The following TIE1 variants were observed in gnomAD, a reference collection of about 807,000 sequenced individuals.
TIE1 encodes tyrosine-protein kinase receptor Tie-1.
TIE1 carries 89 observed loss-of-function variants against 130.5 expected under a neutral mutation model. The observed-to-expected ratio is 0.68, with a 90% confidence interval of 0.57 to 0.81. TIE1 has a LOEUF of 0.81. Among genes scored for constraint, TIE1 ranks in the 40% least tolerant of loss-of-function variants. The probability of loss-of-function intolerance (pLI) is 0.00; values close to 1 mark genes in which losing one functional copy is unlikely to be tolerated. For synonymous variants in TIE1, 568 were observed against 629.4 expected, an observed-to-expected ratio of 0.90 and a Z score of 1.46; for missense variants, 1,392 against 1,559.8, an observed-to-expected ratio of 0.89 and a Z score of 1.81.
chr1:43,317,298 G>A lies in TIE1; in HGVS notation c.2509G>A (p.Glu837Lys). Residue 837 changes from glutamate (E) to lysine (K), a missense_variant, in exon 15 of 23, where the codon GAG (glutamate) becomes AAG (lysine). Physicochemically the swap from Glu to Lys is moderately conservative, Grantham distance 56. This residue lies in a region of TIE1 where 286 missense variants were observed against 354.4 expected (regional missense o/e 0.81). Coordinates refer to ENST00000372476, the MANE Select transcript of TIE1 (RefSeq NM_005424.5). This position sits in a 1 kb window ranked among gnomAD's most constrained non-coding sequence, Gnocchi z 5.1. ...CCTGAGCTACCCAGTGCTAGAGTGG[G>A]AGGACATCACCTTTGAGGACCTCAT... is the stretch of plus-strand genomic sequence containing the variant. Reference protein sequence around the residue: ...EPLSYPVLEWEDITFEDLIGE... With the variant: ...EPLSYPVLEWKDITFEDLIGE... 5 of 1,614,206 alleles carry A rather than the reference G, an allele frequency of 3.1e-6. No homozygotes were observed. Among genetic ancestry groups the A allele is most frequent in the Non-Finnish European group, 4.2e-6 (5 of 1,180,040 alleles).
At chr1:43,304,705 C>A in intron 1 of TIE1, 146 bp from the exon 2 acceptor site, 1 of 827,950 alleles carries the variant, frequency 1.2e-6, no homozygotes, top group Non-Finnish European at 1.7e-6. Flanking sequence ...TCTGAAGAAC[C>A]GGGCAGGGGA....
Position 43,309,837 on chromosome 1 carries a change from A to G in TIE1, c.1333+305A>G, listed in dbSNP as rs976305997. On this transcript the variant is annotated intron_variant, in intron 9 of 22. Transcript: ENST00000372476. The surrounding 1 kb of genome is among the most constrained non-coding windows in gnomAD (Gnocchi z 6.3). Reference sequence around the variant, plus strand: ...CCAACCGTCACACACAGACAAGTATACCTTTAACTCTGCTCTGGGATGCTG... The same window carrying G: ...CCAACCGTCACACACAGACAAGTATGCCTTTAACTCTGCTCTGGGATGCTG... Among the ~76,000 whole-genome samples, 2 of 152,024 alleles carry G rather than the reference A, an allele frequency of 1.3e-5. No individual in the cohort carries two copies. The highest frequency in any genetic ancestry group is 4.8e-5 in the African/African-American group (2 of 41,406).
In TIE1 at chr1:43,319,430, C is replaced by G. The variant is rs1030100852; in HGVS notation, c.3037-29C>G. ...GCCTCAAACAGGCCCTTCCTCCACA[C>G]TCAGCCCCTCAAACCCATTCTCTCC... On this transcript the variant is annotated intron_variant, in intron 18 of 22. Transcript: ENST00000372476. This position sits in a 1 kb window ranked among gnomAD's most constrained non-coding sequence, Gnocchi z 4.7. 1.2e-6 allele frequency: 2 copies of G among 1,613,742 alleles called. No individual in the cohort carries two copies. The highest frequency in any genetic ancestry group is 3.3e-5 in the Admixed American group (2 of 60,014).
rs1570451688 is a variant in TIE1, at chr1:43,318,896, T to G, written c.2923-339T>G. Among the ~76,000 whole-genome samples the G allele has an allele frequency of 6.7e-6, 1 of 149,596 alleles. No individual in the cohort carries two copies. Among genetic ancestry groups the G allele is most frequent in the African/African-American group, 2.5e-5 (1 of 40,476 alleles). On this transcript the variant is annotated intron_variant, in intron 17 of 22. Coordinates refer to ENST00000372476, the MANE Select transcript of TIE1 (RefSeq NM_005424.5). This position sits in a 1 kb window ranked among gnomAD's most constrained non-coding sequence, Gnocchi z 4.4. ...AGAGGGAGGGGCTGGTGGAGAGAGG[T>G]CTCTGGGGAAGCTGGAGGGCTAAGG...
rs1379410427 is a variant in TIE1 at position 43,313,530 on chromosome 1, C to A, written c.2218+105C>A. 1 of 1,402,566 alleles carries A rather than the reference C, an allele frequency of 7.1e-7. No individual in the cohort carries two copies. Among genetic ancestry groups the A allele is most frequent in the Non-Finnish European group, 9.7e-7 (1 of 1,029,158 alleles). The allele number at this position is 1,402,566 out of a possible 1,614,324, so 86.9% of individuals were successfully genotyped here. ...ACTGTGGAGCTAGGGCATCCCAGGC[C>A]CCTCCTGACAAAGAGTCAGCCCCAG... On this transcript the variant is annotated intron_variant, in intron 13 of 22. Coordinates refer to ENST00000372476, the MANE Select transcript of TIE1 (RefSeq NM_005424.5). This position sits in a 1 kb window ranked among gnomAD's most constrained non-coding sequence, Gnocchi z 6.2.
chr1:43,314,225 T>C (rs1420848425), intron 14 of TIE1: 1 of 690,400 alleles, frequency 1.4e-6, no homozygotes, highest in East Asian at 3.6e-5. Flanking sequence ...AATTCCGTGA[T>C]GACCATATTT....
In TIE1 at chr1:43,313,547, C is replaced by A; in HGVS notation, c.2218+122C>A. On this transcript the variant is annotated intron_variant, in intron 13 of 22. Coordinates refer to ENST00000372476, the MANE Select transcript of TIE1 (RefSeq NM_005424.5). This position sits in a 1 kb window ranked among gnomAD's most constrained non-coding sequence, Gnocchi z 6.2. ...TCCCAGGCCCCTCCTGACAAAGAGT[C>A]AGCCCCAGTCCTGGGGACTCAGCCT... 1 of 1,301,408 alleles carries A rather than the reference C, an allele frequency of 7.7e-7. No homozygotes were observed. The highest frequency in any genetic ancestry group is 1.1e-6 in the Non-Finnish European group (1 of 948,602). The allele number at this position is 1,301,408 out of a possible 1,614,324, so 80.6% of individuals were successfully genotyped here.
intron 10 of TIE1, 35 bp from the exon 11 acceptor site, chr1:43,311,959 G>A (rs747858815): frequency 6.4e-7 from 1 of 1,563,848 alleles, no homozygotes; most frequent in Non-Finnish European, 8.7e-7. Context: ...AAGAGGTGGG[G>A]GCTGAATAAT....
intron 1 of TIE1, among the ~76,000 whole-genome samples, chr1:43,302,861 G>C (rs1243916086): frequency 6.6e-6 from 1 of 151,986 alleles, no homozygotes; most frequent in South Asian, 2.1e-4. Flanking sequence ...AGGCTGGGGG[G>C]GTGGGGATGA....
chr1:43,305,326 T>C lies in TIE1; in HGVS notation c.467T>C (p.Val156Ala). 6.4e-7 allele frequency: 1 copy of C among 1,564,290 alleles called. No individual in the cohort carries two copies. The highest frequency in any genetic ancestry group is 8.7e-7 in the Non-Finnish European group (1 of 1,154,974). ...ARVHKEKQTDVIWKSNGSYFY... is the reference protein window; with the variant it reads ...ARVHKEKQTDAIWKSNGSYFY... ...GTGCACAAGGAGAAGCAGACAGACG[T>C]GATCTGGAAGAGCAACGGTAAAGAG... Residue 156 changes from valine to alanine, a missense_variant, in exon 3 of 23, where the codon GTG (valine) becomes GCG (alanine). Physicochemically the swap from Val to Ala is moderately conservative, Grantham distance 64. Coordinates refer to ENST00000372476, the MANE Select transcript of TIE1 (RefSeq NM_005424.5).
In TIE1 at chr1:43,317,609, A is replaced by C. The variant is rs746402777; in HGVS notation, c.2666A>C (p.Glu889Ala). 1 of 1,608,940 alleles carries C rather than the reference A, an allele frequency of 6.2e-7. No homozygotes were observed. The highest frequency in any genetic ancestry group is 8.5e-7 in the Non-Finnish European group (1 of 1,176,604). Residue 889 changes from glutamate to alanine, a missense_variant, in exon 16 of 23, where the codon GAA (glutamate) becomes GCA (alanine). Physicochemically the swap from Glu to Ala is moderately radical, Grantham distance 107. Coordinates refer to ENST00000372476, the MANE Select transcript of TIE1 (RefSeq NM_005424.5). This position sits in a 1 kb window ranked among gnomAD's most constrained non-coding sequence, Gnocchi z 5.1. ...CATCGTGACTTTGCGGGAGAACTGG[A>C]AGTTCTGTGCAAATTGGGGCATCAC... ...NDHRDFAGELEVLCKLGHHPN... is the reference protein window; with the variant it reads ...NDHRDFAGELAVLCKLGHHPN...
rs1646718510 is a variant in TIE1 at position 43,305,354 on chromosome 1, G to C, written c.484+11G>C. The C allele has an allele frequency of 6.5e-7, 1 of 1,538,266 alleles. No homozygotes were observed. ...TCTGGAAGAGCAACGGTAAAGAGGG[G>C]CATTTGAACTGGTGGGGAGGGTAGA... On this transcript the variant is annotated intron_variant, in intron 3 of 22. Transcript: ENST00000372476.
At chr1:43,304,086 T>C (rs949493359) in intron 1 of TIE1, among the ~76,000 whole-genome samples, 1 of 152,222 alleles carries the variant, frequency 6.6e-6, no homozygotes, top group Admixed American at 6.5e-5. Flanking sequence ...GCCCCAAGCT[T>C]AGCTCCATTT....
Position 43,307,165 on chromosome 1 carries a change from C to T in TIE1, c.664C>T (p.Pro222Ser). The T allele has an allele frequency of 2.5e-6, 4 of 1,614,050 alleles. No individual in the cohort carries two copies. The highest frequency in any genetic ancestry group is 3.4e-6 in the Non-Finnish European group (4 of 1,179,978). The change falls in exon 5 of 23, where the codon CCA becomes TCA. Residue 222 changes from proline (P) to serine (S), a missense_variant. Transcript: ENST00000372476. The surrounding 1 kb of genome is among the most constrained non-coding windows in gnomAD (Gnocchi z 5.4). ...AGGTTGTGGGGCTGGGCGCTGGGGG[C>T]CAGGCTGTACCAAGGAGTGCCCAGG... is the stretch of plus-strand genomic sequence containing the variant. ...VRGCGAGRWG[P>S]GCTKECPGCL... is the part of the protein sequence containing the mutation.
At position 43,317,658 on chromosome 1, in the gene TIE1, G is replaced by A. The variant is rs762868342; in HGVS notation, c.2715G>A (p.Gly905=). 9 of 1,590,278 alleles carry A rather than the reference G, an allele frequency of 5.7e-6. No individual in the cohort carries two copies. The highest frequency in any genetic ancestry group is 7.7e-6 in the Non-Finnish European group (9 of 1,167,026). ...GHHPNIINLL[G]ACKNRGYLYI... is the part of the protein sequence containing the mutation. ...ACCCCAACATCATCAACCTCCTGGGGGCCTGTAAGAACCGAGGTGAGCCCC... is the reference window on the plus strand; with the variant it reads ...ACCCCAACATCATCAACCTCCTGGGAGCCTGTAAGAACCGAGGTGAGCCCC... The change falls in exon 16 of 23, where the codon GGG becomes GGA. Residue 905 remains glycine, a synonymous_variant. Transcript: ENST00000372476. The surrounding 1 kb of genome is among the most constrained non-coding windows in gnomAD (Gnocchi z 5.1).
At position 43,318,322 on chromosome 1, in the gene TIE1, C is replaced by T. The variant is rs1646881444; in HGVS notation, c.2922+250C>T. Among the ~76,000 whole-genome samples the T allele has an allele frequency of 6.6e-6, 1 of 152,194 alleles. No individual in the cohort carries two copies. The highest frequency in any genetic ancestry group is 1.9e-4 in the East Asian group (1 of 5,170). ...TAGCCTGGAACTCAGGAGAGAGGCC[C>T]AGGCTGGAGACAGCATCTGTGTGTG... On this transcript the variant is annotated intron_variant, in intron 17 of 22. Coordinates refer to ENST00000372476, the MANE Select transcript of TIE1 (RefSeq NM_005424.5). The surrounding 1 kb of genome is among the most constrained non-coding windows in gnomAD (Gnocchi z 4.4).
Position 43,313,399 on chromosome 1 carries a change from CAGTAGAAG to C in TIE1, c.2196_2203del (p.Glu733HisfsTer9). On this transcript the variant is annotated frameshift_variant, in exon 13 of 23. Transcript: ENST00000372476. LOFTEE classifies it high-confidence loss of function. The surrounding 1 kb of genome is among the most constrained non-coding windows in gnomAD (Gnocchi z 6.2). ...CAGGGGCTCGGGGACTGGAGCAACACAGTAGAAGAGTCCACCCTGGGCAACGGTGAGAG... is the reference window on the plus strand; with the variant it reads ...CAGGGGCTCGGGGACTGGAGCAACACAGTCCACCCTGGGCAACGGTGAGAG... The C allele has an allele frequency of 6.2e-7, 1 of 1,614,006 alleles. No individual in the cohort carries two copies. The highest frequency in any genetic ancestry group is 8.5e-7 in the Non-Finnish European group (1 of 1,179,958).
intron 9 of TIE1, among the ~76,000 whole-genome samples, chr1:43,311,305 A>G (rs1210543911): frequency 1.3e-5 from 2 of 151,102 alleles, no homozygotes; most frequent in Non-Finnish European, 2.9e-5. Flanking sequence ...TTTTTTTTTA[A>G]TAAGAGAGTG....
Position 43,317,481 on chromosome 1 carries a change from T to A in TIE1, c.2620+72T>A. 1 of 1,607,924 alleles carries A rather than the reference T, an allele frequency of 6.2e-7. No individual in the cohort carries two copies. The highest frequency in any genetic ancestry group is 8.5e-7 in the Non-Finnish European group (1 of 1,174,328). On this transcript the variant is annotated intron_variant, in intron 15 of 22. Transcript: ENST00000372476. The surrounding 1 kb of genome is among the most constrained non-coding windows in gnomAD (Gnocchi z 5.1). ...CCACAAATCCCAGGCCCCACCTGGC[T>A]TCCTCCAGCAATTGACCCCAGCCCT...
Sources: gnomAD v4.1 joint callset for allele counts (sites outside exome capture counted in the v4.1 genomes callset) on GRCh38, gnomAD v4.1.1 for gene constraint, gnomAD v4.1.1 regional missense constraint, Gnocchi (gnomAD v3.1) non-coding constraint, MANE v1.5 for transcripts, NCBI Gene and HGNC (gene_info 2026-07-23, HGNC 2026-07-21) for gene names.